CELF4: variants seen among roughly 807,000 people sequenced by gnomAD.
CELF4 encodes the protein CUGBP Elav-like family member 4, also known as CUG-BP- and ETR-3-like factor 4.
Under a neutral mutation model 59.9 loss-of-function variants are expected in CELF4, and 18 were observed. The ratio of observed to expected loss-of-function variants is 0.30; its 90% CI spans 0.21 to 0.45. CELF4 has a LOEUF of 0.45. Ranked by LOEUF, CELF4 falls within the 20% of genes least tolerant of loss-of-function variation. The pLI, the probability that CELF4 is intolerant of heterozygous loss-of-function variation, is 1.00. For missense variants in CELF4, 456 were observed against 689.0 expected (o/e 0.66, Z 3.79); for synonymous variants, 261 against 267.1 (o/e 0.98, Z 0.22).
intron 11 of CELF4, among the ~76,000 whole-genome samples, chr18:37,255,097 GA>G (rs1332009092): frequency 6.6e-6 from 1 of 152,084 alleles, no homozygotes; most frequent in Non-Finnish European, 1.5e-5. Context: ...CTGTAAAAAG[GA>G]CTTAGATCCT....
chr18:37,289,819 C>A lies in CELF4; in HGVS notation c.449-14576G>T, dbSNP rs1323445527. Reference sequence around the variant, plus strand: ...CGGGTATCTCTGGTGGCTGCACCGCCTTCTCTGTTGTGTGACATGGAGTAT... The same window carrying A: ...CGGGTATCTCTGGTGGCTGCACCGCATTCTCTGTTGTGTGACATGGAGTAT... On this transcript the variant is annotated intron_variant, in intron 3 of 12. Transcript: ENST00000420428. Among the ~76,000 whole-genome samples, 4 of 152,196 alleles carry A rather than the reference C, an allele frequency of 2.6e-5. No individual in the cohort carries two copies. In the East Asian group the frequency reaches 5.8e-4, roughly 22 times the overall value.
Position 37,353,231 on chromosome 18 carries a change from A to AT in CELF4, c.370-31351_370-31350insA, listed in dbSNP as rs1181537087. On this transcript the variant is annotated intron_variant, in intron 2 of 12. Transcript: ENST00000420428. ...GTGAGACTCCGTCTCAAAAAAAAAA[A>AT]AAATATATATATATATATACATAAA... Among the ~76,000 whole-genome samples the AT allele has an allele frequency of 2.8e-3, 177 of 64,190 alleles. 1 individual carries two copies. The highest frequency in any genetic ancestry group is 0.011 in the South Asian group (24 of 2,250). The allele number at this position is 64,190 out of a possible 152,430, so 42.1% of individuals were successfully genotyped here. A position where few individuals can be genotyped will look rare whatever the true frequency, so the allele number is the denominator to read the frequency against.
chr18:37,422,243 G>A (rs1285911775), intron 2 of CELF4, among the ~76,000 whole-genome samples: 1 of 152,228 alleles, frequency 6.6e-6, no homozygotes, highest in Non-Finnish European at 1.5e-5. Context: ...CCACTGAGAT[G>A]GGAGCAGGGA....
intron 2 of CELF4, among the ~76,000 whole-genome samples, chr18:37,415,729 G>A (rs948528): frequency 0.65 from 98,687 of 152,074 alleles, 33,192 homozygotes; most frequent in South Asian, 0.83. Context: ...ATCGAATGTG[G>A]CAGGTTGGGA....
intron 2 of CELF4, among the ~76,000 whole-genome samples, chr18:37,425,012 G>T: frequency 6.6e-6 from 1 of 152,212 alleles, no homozygotes; most frequent in East Asian, 1.9e-4. Context: ...CCCCAAGGCA[G>T]GTTCTTAGCT....
intron 2 of CELF4, among the ~76,000 whole-genome samples, chr18:37,433,201 G>T (rs928114835): frequency 1.3e-5 from 2 of 152,284 alleles, no homozygotes; most frequent in East Asian, 1.9e-4. Flanking sequence ...CCCTAGGAAC[G>T]TGAGAGCCAG....
chr18:37,257,949 C>T (rs529575826), intron 11 of CELF4, among the ~76,000 whole-genome samples: 5 of 152,152 alleles, frequency 3.3e-5, no homozygotes, highest in African/African-American at 1.2e-4. Context: ...GGAGGTCTGA[C>T]GCTTGCTGGA....
chr18:37,558,381 GTTTTTTT>G (rs140019882), intron 1 of CELF4, among the ~76,000 whole-genome samples: 16 of 139,896 alleles, frequency 1.1e-4, no homozygotes, highest in African/African-American at 3.6e-4. Context: ...CCCTGTAACA[GTTTTTTT>G]TTTTTTTTTT....
At chr18:37,393,800 C>T (rs76631067) in intron 2 of CELF4, among the ~76,000 whole-genome samples, 20 of 151,240 alleles carry the variant, frequency 1.3e-4, no homozygotes, top group African/African-American at 4.9e-4. Context: ...GCGGAGCACA[C>T]TTGACAGCGA....
chr18:37,470,883 T>TGACA (rs1569569556), intron 2 of CELF4, among the ~76,000 whole-genome samples: 2 of 83,530 alleles, frequency 2.4e-5, no homozygotes, highest in African/African-American at 4.5e-5. Flanking sequence ...TGTGTGTGTG[T>TGACA]GTGTGACAGA....
chr18:37,430,739 G>T (rs2099644070), intron 2 of CELF4, among the ~76,000 whole-genome samples: 1 of 152,202 alleles, frequency 6.6e-6, no homozygotes, highest in Admixed American at 6.5e-5. Context: ...GGGCCCCCTG[G>T]TAGCTAAGGA....
intron 2 of CELF4, among the ~76,000 whole-genome samples, chr18:37,397,382 C>G (rs1049907901): frequency 6.6e-6 from 1 of 152,196 alleles, no homozygotes; most frequent in African/African-American, 2.4e-5. Context: ...CCCTGCCCCC[C>G]AGGAGTTTCC....
chr18:37,421,661 A>G (rs940553533), intron 2 of CELF4, among the ~76,000 whole-genome samples: 2 of 152,258 alleles, frequency 1.3e-5, no homozygotes, highest in African/African-American at 4.8e-5. Context: ...GTGGGGGCTC[A>G]TGGGAGCCCA....
At chr18:37,490,698 G>A (rs1051167503) in intron 1 of CELF4, among the ~76,000 whole-genome samples, 9 of 152,124 alleles carry the variant, frequency 5.9e-5, no homozygotes, top group Admixed American at 5.9e-4. Context: ...GTGTTTGGGG[G>A]ATGGAAACCA....
chr18:37,283,097 C>T lies in CELF4; in HGVS notation c.449-7854G>A, dbSNP rs116977846. 7.7e-4 allele frequency among the ~76,000 whole-genome samples: 117 copies of T among 152,092 alleles called. 2 individuals carry two copies. In the East Asian group the frequency reaches 0.017, roughly 22 times the overall value. On this transcript the variant is annotated intron_variant, in intron 3 of 12. Coordinates refer to ENST00000420428, the MANE Select transcript of CELF4 (RefSeq NM_020180.4). ...TGGCCTTGATCTGCTTGGCTTCCTC[C>T]GGTCCTGGTGCTGTTTGATGTTGGG...
Position 37,274,424 on chromosome 18 carries a change from C to T in CELF4, c.688G>A (p.Ala230Thr), listed in dbSNP as rs1391245300. 2 of 1,613,330 alleles carry T rather than the reference C, an allele frequency of 1.2e-6. No individual in the cohort carries two copies. Among genetic ancestry groups the T allele is most frequent in the Non-Finnish European group, 1.7e-6 (2 of 1,179,912 alleles). Residue 230 changes from alanine (A) to threonine (T), a missense_variant, in exon 6 of 13, where the codon GCC becomes ACC. This residue lies in a region of CELF4 where 6 missense variants were observed against 29.6 expected (regional missense o/e 0.20). Transcript: ENST00000420428. ...ATCGTGCGCTCCTTGTCGGTGTCGG[C>T]GAACTTGACCACCAGACTGGACGAG... is the stretch of plus-strand genomic sequence containing the variant. Reference protein sequence around the residue: ...GASSSLVVKFADTDKERTMRR... With the variant: ...GASSSLVVKFTDTDKERTMRR...
At chr18:37,549,472 C>G (rs1454071738) in intron 1 of CELF4, among the ~76,000 whole-genome samples, 1 of 152,226 alleles carries the variant, frequency 6.6e-6, no homozygotes, top group African/African-American at 2.4e-5. Context: ...AGCAGGTACA[C>G]CTTTGCCCCT....
At chr18:37,303,385 T>A (rs1158079329) in intron 3 of CELF4, among the ~76,000 whole-genome samples, 1 of 152,160 alleles carries the variant, frequency 6.6e-6, no homozygotes. Flanking sequence ...AAAACAGTCG[T>A]TGAAATTGAA....
chr18:37,326,063 G>A (rs572790375), intron 2 of CELF4, among the ~76,000 whole-genome samples: 19 of 152,338 alleles, frequency 1.2e-4, no homozygotes, highest in African/African-American at 4.6e-4. Context: ...ACTCAGCCCT[G>A]ACTCTGCCCT....
Sources: gnomAD v4.1 joint callset for allele counts (sites outside exome capture counted in the v4.1 genomes callset) on GRCh38, gnomAD v4.1.1 for gene constraint, gnomAD v4.1.1 regional missense constraint, MANE v1.5 for transcripts, NCBI Gene and HGNC (gene_info 2026-07-23, HGNC 2026-07-21) for gene names.